Variants in HCN1 observed in about 807,000 individuals in gnomAD.
HCN1 encodes hyperpolarization activated cyclic nucleotide gated potassium channel 1.
Under a neutral mutation model 78.9 loss-of-function variants are expected in HCN1, and 13 were observed. The observed-to-expected ratio is 0.16, with a 90% confidence interval of 0.11 to 0.26. The LOEUF (loss-of-function observed/expected upper bound fraction) is 0.26, where lower values mean the gene tolerates loss of function less well. Ranked by LOEUF, HCN1 falls within the 10% of genes least tolerant of loss-of-function variation. The probability of loss-of-function intolerance (pLI) is 1.00; values close to 1 mark genes in which losing one functional copy is unlikely to be tolerated. For missense variants in HCN1, 810 were observed against 1,154.3 expected (o/e 0.70, Z 4.32); for synonymous variants, 552 against 455.5 (o/e 1.21, Z -2.70).
rs567617728 is a variant in HCN1, at chr5:45,593,639, A to G, written c.849+51546T>C. ...TTTAAATGGCTACAGCGGGGTAGCT[A>G]TTTTCATTATTATTATTATTATTAT... On this transcript the variant is annotated intron_variant, in intron 2 of 7. Transcript: ENST00000303230. Among the ~76,000 whole-genome samples the G allele has an allele frequency of 5.4e-4, 33 of 61,328 alleles. No individual in the cohort carries two copies. In the South Asian group the frequency reaches 0.023, roughly 42 times the overall value. The allele number at this position is 61,328 out of a possible 152,430, so 40.2% of individuals were successfully genotyped here.
At chr5:45,326,871 G>C (rs1418908295) in intron 5 of HCN1, among the ~76,000 whole-genome samples, 1 of 151,486 alleles carries the variant, frequency 6.6e-6, no homozygotes, top group African/African-American at 2.4e-5. Context: ...TGCCTTACTA[G>C]AACATAGGGA....
At chr5:45,491,140 G>A (rs1410043711) in intron 2 of HCN1, among the ~76,000 whole-genome samples, 1 of 151,908 alleles carries the variant, frequency 6.6e-6, no homozygotes, top group Non-Finnish European at 1.5e-5. Flanking sequence ...AATCACACTC[G>A]GAATCTGTAT....
At chr5:45,381,687 G>A (rs1747811102) in intron 4 of HCN1, among the ~76,000 whole-genome samples, 1 of 151,884 alleles carries the variant, frequency 6.6e-6, no homozygotes. Context: ...CACTTCTCCT[G>A]CCTGCATAAA....
chr5:45,468,201 G>T (rs2111643032), intron 2 of HCN1, among the ~76,000 whole-genome samples: 1 of 152,172 alleles, frequency 6.6e-6, no homozygotes, highest in African/African-American at 2.4e-5. Context: ...TTTTTGAAGT[G>T]GCACAGATAT....
chr5:45,574,739 G>A (rs1743904034), intron 2 of HCN1: 1 of 152,140 alleles, frequency 6.6e-6, no homozygotes, highest in Non-Finnish European at 1.5e-5. Context: ...AGTTCTTGAA[G>A]GAAATTAAAA....
rs1744654652 is a variant in HCN1, at chr5:45,258,030, G to A, written c.*3891C>T. On this transcript the variant is annotated 3_prime_UTR_variant, in exon 8 of 8. Transcript: ENST00000303230. ...GCATATGAACAAAATAACCACATGG[G>A]TTTTATGGCACATGTTCTAAAAAGA... 6.6e-6 allele frequency: 1 copy of A among 151,998 alleles called. No homozygotes were observed. The highest frequency in any genetic ancestry group is 2.1e-4 in the South Asian group (1 of 4,828). 9.4% of individuals were successfully genotyped at this position (151,998 alleles called of 1,614,324 possible). A position where few individuals can be genotyped will look rare whatever the true frequency, so the allele number is the denominator to read the frequency against.
At chr5:45,582,535 T>C (rs1744104059) in intron 2 of HCN1, among the ~76,000 whole-genome samples, 1 of 152,136 alleles carries the variant, frequency 6.6e-6, no homozygotes, top group Admixed American at 6.6e-5. Flanking sequence ...CTGATTGCCC[T>C]GGCCAGAACT....
chr5:45,493,994 C>A (rs542526704), intron 2 of HCN1, among the ~76,000 whole-genome samples: 1 of 152,262 alleles, frequency 6.6e-6, no homozygotes, highest in African/African-American at 2.4e-5. Flanking sequence ...TTAATCCAGT[C>A]TATCATTGTT....
At chr5:45,307,208 ATGAT>A (rs1745754273) in intron 5 of HCN1, among the ~76,000 whole-genome samples, 1 of 152,136 alleles carries the variant, frequency 6.6e-6, no homozygotes, top group Non-Finnish European at 1.5e-5. Flanking sequence ...ACAAATCTAA[ATGAT>A]TGGTTAAACT....
intron 2 of HCN1, among the ~76,000 whole-genome samples, chr5:45,590,310 A>G (rs1184854210): frequency 6.6e-6 from 1 of 152,200 alleles, no homozygotes; most frequent in Non-Finnish European, 1.5e-5. Context: ...TTAAAGACTA[A>G]TTTAGGTTCA....
intron 2 of HCN1, chr5:45,559,164 A>C (rs1743544788): frequency 6.6e-6 from 1 of 151,998 alleles, no homozygotes; most frequent in Non-Finnish European, 1.5e-5. Context: ...CTCACTGCTC[A>C]CTGACAATAC....
At chr5:45,313,719 T>C (rs1354962785) in intron 5 of HCN1, among the ~76,000 whole-genome samples, 1 of 152,112 alleles carries the variant, frequency 6.6e-6, no homozygotes, top group Non-Finnish European at 1.5e-5. Context: ...AAGGGACGAA[T>C]GCACAAGCTT....
Position 45,255,293 on chromosome 5 carries a change from T to G in HCN1, c.*6628A>C. ...TGTCTAGCCAAGATCCCATGCTATG[T>G]TGACTTGTCATCTCCAGAAATGTCT... On this transcript the variant is annotated 3_prime_UTR_variant, in exon 8 of 8. Transcript: ENST00000303230. 1 of 152,204 alleles carries G rather than the reference T, an allele frequency of 6.6e-6. No individual in the cohort carries two copies. Among genetic ancestry groups the G allele is most frequent in the East Asian group, 1.9e-4 (1 of 5,192 alleles). The allele number at this position is 152,204 out of a possible 1,614,324, so 9.4% of individuals were successfully genotyped here. A position where few individuals can be genotyped will look rare whatever the true frequency, so the allele number is the denominator to read the frequency against.
chr5:45,425,379 C>A (rs1176388995), intron 3 of HCN1, among the ~76,000 whole-genome samples: 2 of 152,176 alleles, frequency 1.3e-5, no homozygotes, highest in Non-Finnish European at 2.9e-5. Context: ...AATCCTTTGA[C>A]ATTAATTACA....
At chr5:45,599,327 CAT>C (rs1368898373) in intron 2 of HCN1, among the ~76,000 whole-genome samples, 1 of 151,182 alleles carries the variant, frequency 6.6e-6, no homozygotes, top group Non-Finnish European at 1.5e-5. Flanking sequence ...CCAAACACCA[CAT>C]GTTCTCACTC....
chr5:45,373,265 A>C (rs1421149569), intron 4 of HCN1, among the ~76,000 whole-genome samples: 10 of 119,370 alleles, frequency 8.4e-5, no homozygotes, highest in Non-Finnish European at 1.1e-4. Flanking sequence ...TATATTATAT[A>C]TTATATATAT....
chr5:45,650,297 A>C (rs573630678), intron 1 of HCN1, among the ~76,000 whole-genome samples: 1 of 152,220 alleles, frequency 6.6e-6, no homozygotes, highest in African/African-American at 2.4e-5. Context: ...CCACGACACA[A>C]AAATGATAGC....
At chr5:45,452,681 T>G (rs910586055) in intron 3 of HCN1, among the ~76,000 whole-genome samples, 9 of 151,992 alleles carry the variant, frequency 5.9e-5, no homozygotes, top group Non-Finnish European at 1.0e-4. Flanking sequence ...TAGTCTATTC[T>G]ATATTTTAAG....
intron 2 of HCN1, among the ~76,000 whole-genome samples, chr5:45,502,937 A>G (rs1373712458): frequency 6.6e-6 from 1 of 152,236 alleles, no homozygotes; most frequent in Non-Finnish European, 1.5e-5. Context: ...AGTATTGTTT[A>G]TATCTATTAA....
Sources: allele counts gnomAD v4.1 joint callset (sites outside exome capture counted in the v4.1 genomes callset), GRCh38; gene constraint gnomAD v4.1.1; transcripts MANE v1.5; gene names NCBI Gene and HGNC (gene_info 2026-07-23, HGNC 2026-07-21).